The following IGF2BP3 variants were observed in gnomAD, a reference collection of about 807,000 sequenced individuals.
IGF2BP3 encodes the protein insulin like growth factor 2 mRNA binding protein 3, also known as insulin-like growth factor 2 mRNA-binding protein 3.
Under a neutral mutation model 73.8 loss-of-function variants are expected in IGF2BP3, and 9 were observed. The ratio of observed to expected loss-of-function variants is 0.12; its 90% CI spans 0.07 to 0.21. The LOEUF is 0.21. Ranked by LOEUF, IGF2BP3 falls within the 10% of genes least tolerant of loss-of-function variation. The pLI is 1.00. For synonymous variants in IGF2BP3, 258 were observed against 256.7 expected, an observed-to-expected ratio of 1.01 and a Z score of -0.05; for missense variants, 542 against 714.0, an observed-to-expected ratio of 0.76 and a Z score of 2.75.
In IGF2BP3 at chr7:23,343,698, C is replaced by G. The variant is rs555318092; in HGVS notation, c.1077+20G>C. 2 of 1,595,962 alleles carry G rather than the reference C, an allele frequency of 1.3e-6. No individual in the cohort carries two copies. The highest frequency in any genetic ancestry group is 1.7e-6 in the Non-Finnish European group (2 of 1,167,188). ...AACTATTTGTTAAAATAAAGACATGCCCTTCATAACAAAACTAACATTCAT... is the reference window on the plus strand; with the variant it reads ...AACTATTTGTTAAAATAAAGACATGGCCTTCATAACAAAACTAACATTCAT... On this transcript the variant is annotated intron_variant, in intron 9 of 14. Coordinates refer to ENST00000258729, the MANE Select transcript of IGF2BP3 (RefSeq NM_006547.3).
chr7:23,348,776 A>G (rs963856652), intron 6 of IGF2BP3, among the ~76,000 whole-genome samples: 1 of 152,192 alleles, frequency 6.6e-6, no homozygotes, highest in Non-Finnish European at 1.5e-5. Flanking sequence ...AGAGATGATC[A>G]TTTGTAGTTG....
chr7:23,463,174 A>C (rs534459286), intron 2 of IGF2BP3, among the ~76,000 whole-genome samples: 1 of 152,234 alleles, frequency 6.6e-6, no homozygotes, highest in African/African-American at 2.4e-5. Context: ...TACTGAATGG[A>C]TAACTCACAC....
intron 2 of IGF2BP3, among the ~76,000 whole-genome samples, chr7:23,446,690 T>C (rs972078639): frequency 6.6e-6 from 1 of 152,192 alleles, no homozygotes; most frequent in African/African-American, 2.4e-5. Flanking sequence ...AGTGAAAGTA[T>C]TGAGAGACAG....
intron 10 of IGF2BP3, among the ~76,000 whole-genome samples, chr7:23,337,105 A>T (rs1195436569): frequency 1.3e-5 from 2 of 152,220 alleles, no homozygotes; most frequent in African/African-American, 2.4e-5. Flanking sequence ...GTTTAGAAAA[A>T]GAACAAAGTC....
At position 23,470,233 on chromosome 7, in the gene IGF2BP3, C is replaced by T. The variant is rs979890286; in HGVS notation, c.-123G>A. 2 of 730,486 alleles carry T rather than the reference C, an allele frequency of 2.7e-6. No individual in the cohort carries two copies. Among genetic ancestry groups the T allele is most frequent in the East Asian group, 5.3e-5 (2 of 37,512 alleles). 45.3% of individuals were successfully genotyped at this position (730,486 alleles called of 1,614,324 possible). A position where few individuals can be genotyped will look rare whatever the true frequency, so the allele number is the denominator to read the frequency against. ...TCTTCTCGCCTTTAAAATACACAAACACAGTAAGAACCAAGCACAAGAACG... is the reference window on the plus strand; with the variant it reads ...TCTTCTCGCCTTTAAAATACACAAATACAGTAAGAACCAAGCACAAGAACG... On this transcript the variant is annotated 5_prime_UTR_variant, in exon 1 of 15. Transcript: ENST00000258729.
At chr7:23,330,687 G>A (rs1322408047) in intron 10 of IGF2BP3, among the ~76,000 whole-genome samples, 2 of 152,120 alleles carry the variant, frequency 1.3e-5, no homozygotes, top group Non-Finnish European at 2.9e-5. Context: ...CAGGTGATCC[G>A]CCCGCCTTGG....
chr7:23,359,755 T>G (rs1230678309), intron 5 of IGF2BP3, among the ~76,000 whole-genome samples: 1 of 152,092 alleles, frequency 6.6e-6, no homozygotes, highest in African/African-American at 2.4e-5. Flanking sequence ...TAAAACAATA[T>G]GGAGCCTCTG....
At position 23,398,119 on chromosome 7, in the gene IGF2BP3, G is replaced by A. The variant is rs190522566; in HGVS notation, c.285+20657C>T. On this transcript the variant is annotated intron_variant, in intron 3 of 14. Coordinates refer to ENST00000258729, the MANE Select transcript of IGF2BP3 (RefSeq NM_006547.3). ...GATGTTCCCCTTCCTGTGTCCATGT[G>A]TTCTCATTGTTCAGTTCCCACCTAT... Among the ~76,000 whole-genome samples, 3 of 143,216 alleles carry A rather than the reference G, an allele frequency of 2.1e-5. No individual in the cohort carries two copies. The Admixed American group carries it at 2.3e-4, about 11-fold the overall frequency. The allele number at this position is 143,216 out of a possible 152,430, so 94.0% of individuals were successfully genotyped here.
chr7:23,328,143 A>G (rs777051502), intron 10 of IGF2BP3, among the ~76,000 whole-genome samples: 3 of 152,182 alleles, frequency 2.0e-5, no homozygotes, highest in Non-Finnish European at 4.4e-5. Flanking sequence ...ATTTGTTTAC[A>G]TTTTTCAAGA....
At chr7:23,389,229 C>T (rs1240153646) in intron 3 of IGF2BP3, among the ~76,000 whole-genome samples, 2 of 151,118 alleles carry the variant, frequency 1.3e-5, no homozygotes, top group South Asian at 2.1e-4. Flanking sequence ...GGCACTATCT[C>T]GGCTCACTGC....
chr7:23,352,285 T>C (rs1228284478), intron 5 of IGF2BP3, among the ~76,000 whole-genome samples: 2 of 125,878 alleles, frequency 1.6e-5, no homozygotes, highest in African/African-American at 6.7e-5. Context: ...TTCATTTTTT[T>C]TTTTTTTTTT....
intron 2 of IGF2BP3, among the ~76,000 whole-genome samples, chr7:23,461,034 T>C (rs1363278656): frequency 6.6e-6 from 1 of 152,046 alleles, no homozygotes; most frequent in Non-Finnish European, 1.5e-5. Flanking sequence ...CCCAGGTTGC[T>C]CCAAAATTTG....
Position 23,431,634 on chromosome 7 carries a change from A to AG in IGF2BP3, c.237-12811dup, listed in dbSNP as rs145661428. 4.9e-3 allele frequency among the ~76,000 whole-genome samples: 747 copies of AG among 151,802 alleles called. 6 individuals are homozygous for AG. Among genetic ancestry groups the AG allele is most frequent in the African/African-American group, 0.017 (711 of 41,170 alleles). ...CTAGTGAACTGAACAGGAGGAAGGA[A>AG]GGGGGAAAAAAAAAAGATTACAAGG... On this transcript the variant is annotated intron_variant, in intron 2 of 14. Coordinates refer to ENST00000258729, the MANE Select transcript of IGF2BP3 (RefSeq NM_006547.3).
At chr7:23,397,109 A>AT (rs1786501310) in intron 3 of IGF2BP3, among the ~76,000 whole-genome samples, 1 of 152,206 alleles carries the variant, frequency 6.6e-6, no homozygotes. Flanking sequence ...AATGAAAAGT[A>AT]TGTCTCCAGG....
At chr7:23,468,889 C>G in intron 1 of IGF2BP3, among the ~76,000 whole-genome samples, 1 of 152,226 alleles carries the variant, frequency 6.6e-6, no homozygotes, top group Non-Finnish European at 1.5e-5. Flanking sequence ...ACAGGGCAGA[C>G]TCGGGGCAGG....
At chr7:23,314,320 C>G (rs1783916714) in intron 12 of IGF2BP3, among the ~76,000 whole-genome samples, 1 of 151,930 alleles carries the variant, frequency 6.6e-6, no homozygotes, top group Non-Finnish European at 1.5e-5. Context: ...GTAGCTGGGA[C>G]TACAGGCACT....
chr7:23,321,447 T>C (rs1314393423), intron 10 of IGF2BP3, among the ~76,000 whole-genome samples: 2 of 152,204 alleles, frequency 1.3e-5, no homozygotes, highest in Non-Finnish European at 2.9e-5. Context: ...CGCTGATTGC[T>C]AGCACAGCAG....
chr7:23,442,733 T>C lies in IGF2BP3; in HGVS notation c.237-23909A>G, dbSNP rs191943963. Among the ~76,000 whole-genome samples the C allele has an allele frequency of 7.4e-4, 112 of 152,214 alleles. 1 individual carries two copies. Among genetic ancestry groups the C allele is most frequent in the African/African-American group, 2.6e-3 (107 of 41,548 alleles). On this transcript the variant is annotated intron_variant, in intron 2 of 14. Coordinates refer to ENST00000258729, the MANE Select transcript of IGF2BP3 (RefSeq NM_006547.3). ...ATTTTTAAAATAACAAGAAATAACA[T>C]ATTATAATCAGACTTTGCATATACC...
intron 3 of IGF2BP3, among the ~76,000 whole-genome samples, chr7:23,392,867 G>T (rs1786330033): frequency 6.6e-6 from 1 of 152,114 alleles, no homozygotes; most frequent in African/African-American, 2.4e-5. Flanking sequence ...TTGGGCTCAA[G>T]AAATCCTCCC....
Sources: gnomAD v4.1 joint callset for allele counts (sites outside exome capture counted in the v4.1 genomes callset) on GRCh38, gnomAD v4.1.1 for gene constraint, MANE v1.5 for transcripts, NCBI Gene and HGNC (gene_info 2026-07-23, HGNC 2026-07-21) for gene names.